The following CXCL13 variants were observed in gnomAD, a reference collection of about 807,000 sequenced individuals.
CXCL13 encodes C-X-C motif chemokine 13.
In CXCL13, 7 loss-of-function variants were observed where a neutral mutation model predicts 12.2. That is an observed-to-expected ratio of 0.57 (90% CI 0.33 to 1.07). CXCL13 has a LOEUF of 1.07. CXCL13 is among the 50% of genes least tolerant of loss of function. The pLI is 0.04. For missense variants in CXCL13, 113 were observed against 127.4 expected, an observed-to-expected ratio of 0.89 and a Z score of 0.55; for synonymous variants, 47 against 42.4, an observed-to-expected ratio of 1.11 and a Z score of -0.42.
At chr4:77,524,117 G>T (rs1724696669) in intron 1 of CXCL13, among the ~76,000 whole-genome samples, 1 of 152,142 alleles carries the variant, frequency 6.6e-6, no homozygotes, top group Non-Finnish European at 1.5e-5. Context: ...TCCCAGAGGG[G>T]CACCTGCCTA....
chr4:77,567,217 CCGCCTATCCCA>C (rs1725961064), intron 1 of CXCL13, among the ~76,000 whole-genome samples: 1 of 152,194 alleles, frequency 6.6e-6, no homozygotes, highest in Non-Finnish European at 1.5e-5. Context: ...CCTAACTCCA[CCGCCTATCCCA>C]AACCTATAAG....
At chr4:77,537,415 C>T (rs945132772) in intron 1 of CXCL13, among the ~76,000 whole-genome samples, 6 of 152,176 alleles carry the variant, frequency 3.9e-5, no homozygotes, top group Non-Finnish European at 8.8e-5. Flanking sequence ...GTTGTCAGAG[C>T]TCCCTATTGG....
In CXCL13 at chr4:77,564,810, G is replaced by A. The variant is rs77075113; in HGVS notation, c.-42-41014G>A. The stretch of plus-strand genomic sequence containing the variant: ...AGGCATGATGGAGCAGATATTGTGC[G>A]GAAAGGACCCCAGTGGAGAAGTGAA... On this transcript the variant is annotated intron_variant, in intron 1 of 4. Coordinates refer to the CXCL13 transcript ENST00000286758. 7.2e-3 allele frequency among the ~76,000 whole-genome samples: 1,098 copies of A among 152,268 alleles called. 58 individuals carry two copies. The East Asian group carries it at 0.12, about 17-fold the overall frequency.
chr4:77,521,355 T>C (rs2110080227), intron 1 of CXCL13, among the ~76,000 whole-genome samples: 1 of 152,306 alleles, frequency 6.6e-6, no homozygotes, highest in African/African-American at 2.4e-5. Flanking sequence ...CTGGACTTTT[T>C]TTGGTTGGTA....
intron 1 of CXCL13, among the ~76,000 whole-genome samples, chr4:77,544,798 A>G (rs976921368): frequency 3.9e-5 from 6 of 152,022 alleles, no homozygotes; most frequent in African/African-American, 1.4e-4. Context: ...TGCTTTTGGT[A>G]TTTTAGTCAT....
chr4:77,561,341 G>C (rs1453457956), intron 1 of CXCL13, among the ~76,000 whole-genome samples: 1 of 152,170 alleles, frequency 6.6e-6, no homozygotes, highest in Non-Finnish European at 1.5e-5. Context: ...ATTTAAGTTT[G>C]AGAAGTTCTA....
chr4:77,532,811 G>A (rs183647619), intron 1 of CXCL13, among the ~76,000 whole-genome samples: 8 of 152,140 alleles, frequency 5.3e-5, no homozygotes, highest in Non-Finnish European at 8.8e-5. Context: ...TTCCATCACT[G>A]ATACCCTTTC....
At chr4:77,573,362 TTGTGTGTGTGTGTGTGTGTGTGTGTG>T (rs3048191) in intron 1 of CXCL13, among the ~76,000 whole-genome samples, 5 of 134,910 alleles carry the variant, frequency 3.7e-5, no homozygotes, top group African/African-American at 1.4e-4. Context: ...ATTGGGTCTT[TTGTGTGTGTGTGTGTGTGTGTGTGTG>T]TGTGTGTGTG....
At chr4:77,523,763 C>T (rs1055171482) in intron 1 of CXCL13, among the ~76,000 whole-genome samples, 1 of 152,160 alleles carries the variant, frequency 6.6e-6, no homozygotes, top group East Asian at 1.9e-4. Context: ...CTGGCAAGGA[C>T]CTGCAAACCT....
At chr4:77,590,937 T>C (rs1381270497) in intron 1 of CXCL13, among the ~76,000 whole-genome samples, 1 of 152,216 alleles carries the variant, frequency 6.6e-6, no homozygotes, top group Non-Finnish European at 1.5e-5. Flanking sequence ...TGGAATGCAG[T>C]AGTGTTACCT....
At chr4:77,572,661 T>C (rs1326310928) in intron 1 of CXCL13, among the ~76,000 whole-genome samples, 1 of 151,952 alleles carries the variant, frequency 6.6e-6, no homozygotes, top group Non-Finnish European at 1.5e-5. Flanking sequence ...TCAACCATTG[T>C]GGAAGACAGT....
intron 1 of CXCL13, among the ~76,000 whole-genome samples, chr4:77,561,383 T>C (rs1379287654): frequency 6.6e-6 from 1 of 152,250 alleles, no homozygotes; most frequent in African/African-American, 2.4e-5. Context: ...CAGCTCTATA[T>C]AAAAGTGGTT....
intron 1 of CXCL13, among the ~76,000 whole-genome samples, chr4:77,560,276 C>T (rs1197142479): frequency 6.6e-6 from 1 of 152,092 alleles, no homozygotes; most frequent in Non-Finnish European, 1.5e-5. Flanking sequence ...CCAAGTCACG[C>T]TACTAGTTCT....
chr4:77,567,124 A>AG (rs1725958750), intron 1 of CXCL13, among the ~76,000 whole-genome samples: 1 of 151,882 alleles, frequency 6.6e-6, no homozygotes, highest in Non-Finnish European at 1.5e-5. Context: ...TCCCCACCCA[A>AG]TCAAGAAGGT....
chr4:77,514,253 C>T (rs1417026536), intron 1 of CXCL13, among the ~76,000 whole-genome samples: 2 of 152,102 alleles, frequency 1.3e-5, no homozygotes, highest in African/African-American at 4.8e-5. Flanking sequence ...GTGAATAGTG[C>T]TGCAATAAAC....
chr4:77,578,931 G>A (rs189587), intron 1 of CXCL13, among the ~76,000 whole-genome samples: 70,979 of 152,100 alleles, frequency 0.47, 17,031 homozygotes, highest in African/African-American at 0.58. Flanking sequence ...CATCTGGCCA[G>A]TAAGATGTAA....
chr4:77,608,266 C>T (rs1164789923), intron 2 of CXCL13, among the ~76,000 whole-genome samples: 7 of 152,036 alleles, frequency 4.6e-5, no homozygotes, highest in Non-Finnish European at 1.0e-4. Context: ...CATGGAGAAA[C>T]CCCGTCTCTA....
At chr4:77,580,605 G>A (rs1726305677) in intron 1 of CXCL13, among the ~76,000 whole-genome samples, 1 of 151,844 alleles carries the variant, frequency 6.6e-6, no homozygotes, top group African/African-American at 2.4e-5. Context: ...GATTACAGGT[G>A]TGAGCCACCA....
Position 77,581,370 on chromosome 4 carries a change from A to C in CXCL13, c.-42-24454A>C, listed in dbSNP as rs1476263522. 2.6e-5 allele frequency among the ~76,000 whole-genome samples: 4 copies of C among 152,212 alleles called. No individual in the cohort carries two copies. The East Asian group carries it at 5.8e-4, about 22-fold the overall frequency. ...TGAATATTGGCTATTTTGTTGGATTAACGTTGTTTAAAACAGTTGTCAAAG... is the reference window on the plus strand; with the variant it reads ...TGAATATTGGCTATTTTGTTGGATTCACGTTGTTTAAAACAGTTGTCAAAG... On this transcript the variant is annotated intron_variant, in intron 1 of 4. Transcript: ENST00000286758.
Sources: allele counts gnomAD v4.1 joint callset (sites outside exome capture counted in the v4.1 genomes callset), GRCh38; gene constraint gnomAD v4.1.1; transcripts MANE v1.5; gene names NCBI Gene and HGNC (gene_info 2026-07-23, HGNC 2026-07-21).